PCSK6: variants seen among roughly 807,000 people sequenced by gnomAD.
PCSK6 encodes the protein paired basic amino acid cleaving enzyme 4.
Under a neutral mutation model 123.3 loss-of-function variants are expected in PCSK6, and 85 were observed. That is an observed-to-expected ratio of 0.69 (90% CI 0.58 to 0.83). The LOEUF is 0.83. Among genes scored for constraint, PCSK6 ranks in the 40% least tolerant of loss-of-function variants. PCSK6 has a pLI of 0.00. For synonymous variants in PCSK6, 508 were observed against 516.0 expected, an observed-to-expected ratio of 0.98 and a Z score of 0.21; for missense variants, 1,191 against 1,282.3, an observed-to-expected ratio of 0.93 and a Z score of 1.09.
At chr15:101,379,345 T>C (rs1020971289) in intron 11 of PCSK6, among the ~76,000 whole-genome samples, 1 of 152,144 alleles carries the variant, frequency 6.6e-6, no homozygotes, top group Non-Finnish European at 1.5e-5. Flanking sequence ...GACGTCACCA[T>C]AGACCTGACA....
chr15:101,420,423 C>T (rs1458492799), intron 6 of PCSK6, among the ~76,000 whole-genome samples: 1 of 152,058 alleles, frequency 6.6e-6, no homozygotes, highest in African/African-American at 2.4e-5. Flanking sequence ...TATAATGACG[C>T]AATCATGGCT....
chr15:101,349,662 C>G (rs1224505493), intron 13 of PCSK6, among the ~76,000 whole-genome samples: 2 of 152,162 alleles, frequency 1.3e-5, no homozygotes, highest in East Asian at 3.9e-4. Context: ...AATTTCATGT[C>G]CACCAGGTGC....
intron 13 of PCSK6, among the ~76,000 whole-genome samples, chr15:101,349,221 C>T (rs2040828263): frequency 6.6e-6 from 1 of 152,174 alleles, no homozygotes. Flanking sequence ...CAAGGCAATG[C>T]TTGGCTTATC....
rs537834672 is a variant in PCSK6, at chr15:101,391,110, T to G, written c.1210-1546A>C. Among the ~76,000 whole-genome samples, 5 of 152,280 alleles carry G rather than the reference T, an allele frequency of 3.3e-5. No homozygotes were observed. In the East Asian group the frequency reaches 9.6e-4, roughly 29 times the overall value. Reference sequence around the variant, plus strand: ...TGACGGGAAGGCCAACAGAGACCAGTTTCCTCCTTGTTCGTTTCAGTGGGG... The same window carrying G: ...TGACGGGAAGGCCAACAGAGACCAGGTTCCTCCTTGTTCGTTTCAGTGGGG... On this transcript the variant is annotated intron_variant, in intron 8 of 21. Transcript: ENST00000611716.
chr15:101,483,794 C>T (rs1237184640), intron 1 of PCSK6, among the ~76,000 whole-genome samples: 4 of 152,318 alleles, frequency 2.6e-5, no homozygotes, highest in African/African-American at 4.8e-5. Context: ...AACGCCCATG[C>T]GACCTGCAGC....
chr15:101,354,457 CA>C (rs2040985410), intron 13 of PCSK6, among the ~76,000 whole-genome samples: 1 of 152,238 alleles, frequency 6.6e-6, no homozygotes, highest in Non-Finnish European at 1.5e-5. Context: ...ACACTTTAAA[CA>C]AAGTGTAAAA....
chr15:101,410,077 C>A (rs910705033), intron 6 of PCSK6, among the ~76,000 whole-genome samples: 1 of 152,224 alleles, frequency 6.6e-6, no homozygotes, highest in African/African-American at 2.4e-5. Flanking sequence ...GGATTACAGG[C>A]ATAAGCCACC....
intron 11 of PCSK6, among the ~76,000 whole-genome samples, chr15:101,378,945 C>T (rs547598728): frequency 2.2e-4 from 34 of 152,374 alleles, no homozygotes; most frequent in African/African-American, 4.3e-4. Flanking sequence ...CTCTGCAGCC[C>T]GCATTGTGCT....
At chr15:101,387,302 G>C (rs2042091856) in intron 9 of PCSK6, among the ~76,000 whole-genome samples, 1 of 152,192 alleles carries the variant, frequency 6.6e-6, no homozygotes, top group African/African-American at 2.4e-5. Flanking sequence ...TTGGAGTTTA[G>C]ACAAGTGCTG....
intron 8 of PCSK6, 25 bp from the exon 9 acceptor site, chr15:101,389,589 G>C: frequency 2.6e-6 from 4 of 1,558,112 alleles, no homozygotes; most frequent in Non-Finnish European, 3.5e-6. Flanking sequence ...AGCACAGTGA[G>C]GCAGTGATGG....
At chr15:101,485,571 T>C (rs958577423) in intron 1 of PCSK6, among the ~76,000 whole-genome samples, 1 of 152,242 alleles carries the variant, frequency 6.6e-6, no homozygotes, top group Non-Finnish European at 1.5e-5. Context: ...TGTACTGTTG[T>C]GTAATGTGAG....
chr15:101,399,221 G>A (rs2042513445), intron 6 of PCSK6, among the ~76,000 whole-genome samples: 1 of 152,172 alleles, frequency 6.6e-6, no homozygotes, highest in Non-Finnish European at 1.5e-5. Flanking sequence ...TTTCTATAAT[G>A]GAACTCCAGA....
rs539031527 is a variant in PCSK6 at position 101,450,598 on chromosome 15, C to G, written c.298-6938G>C. On this transcript the variant is annotated intron_variant, in intron 1 of 21. Transcript: ENST00000611716. Reference sequence around the variant, plus strand: ...GAACACAGAGGAGCTTGAAATCTGCCTGATGAAATGAACAGACTTCTGTCT... The same window carrying G: ...GAACACAGAGGAGCTTGAAATCTGCGTGATGAAATGAACAGACTTCTGTCT... 5.3e-5 allele frequency among the ~76,000 whole-genome samples: 8 copies of G among 152,270 alleles called. No individual in the cohort carries two copies. The South Asian group carries it at 1.7e-3, about 32-fold the overall frequency.
intron 6 of PCSK6, among the ~76,000 whole-genome samples, chr15:101,427,360 G>C (rs1344968901): frequency 6.6e-6 from 1 of 152,148 alleles, no homozygotes; most frequent in African/African-American, 2.4e-5. Flanking sequence ...TGGAAAGACG[G>C]GGGAGGCGGG....
At chr15:101,378,353 C>G (rs2041812799) in intron 11 of PCSK6, among the ~76,000 whole-genome samples, 1 of 152,220 alleles carries the variant, frequency 6.6e-6, no homozygotes, top group Non-Finnish European at 1.5e-5. Flanking sequence ...AACAGAGGCC[C>G]AGGCACAGCT....
intron 13 of PCSK6, chr15:101,347,726 C>T: frequency 1.2e-6 from 2 of 1,613,768 alleles, no homozygotes; most frequent in Non-Finnish European, 1.7e-6. Flanking sequence ...ACAGAGATTA[C>T]CAAAGCTCTT....
chr15:101,378,985 C>T (rs2041831671), intron 11 of PCSK6, among the ~76,000 whole-genome samples: 1 of 152,152 alleles, frequency 6.6e-6, no homozygotes, highest in Admixed American at 6.5e-5. Context: ...GCCTTTGGGC[C>T]TGAGCATGAC....
rs1232222030 is a variant in PCSK6, at chr15:101,480,436, CCT to C, written c.297+8936_297+8937del. Among the ~76,000 whole-genome samples, 8 of 152,250 alleles carry C rather than the reference CCT, an allele frequency of 5.3e-5. No homozygotes were observed. In the South Asian group the frequency reaches 6.2e-4, roughly 12 times the overall value. ...AGACTTTCTTCCTTTCCACGGTGCC[CCT>C]GTCTTGACACTGAGGGCATTGATGG... On this transcript the variant is annotated intron_variant, in intron 1 of 21. Coordinates refer to ENST00000611716, the MANE Select transcript of PCSK6 (RefSeq NM_002570.5).
At chr15:101,373,153 C>A (rs769666287) in intron 11 of PCSK6, among the ~76,000 whole-genome samples, 5 of 152,172 alleles carry the variant, frequency 3.3e-5, no homozygotes, top group African/African-American at 4.8e-5. Flanking sequence ...GGGACTCCAG[C>A]CGCTGCATAA....
Sources: gnomAD v4.1 joint callset for allele counts (sites outside exome capture counted in the v4.1 genomes callset) on GRCh38, gnomAD v4.1.1 for gene constraint, MANE v1.5 for transcripts, NCBI Gene and HGNC (gene_info 2026-07-23, HGNC 2026-07-21) for gene names.